Variants in XRCC4 observed in about 807,000 individuals in gnomAD.
The protein encoded by XRCC4 is X-ray repair cross complementing 4.
In XRCC4, 28 loss-of-function variants were observed where a neutral mutation model predicts 39.1. The ratio of observed to expected loss-of-function variants is 0.72; its 90% CI spans 0.53 to 0.98. The LOEUF is 0.98. Ranked by LOEUF, XRCC4 falls within the 50% of genes least tolerant of loss-of-function variation. The pLI, the probability that XRCC4 is intolerant of heterozygous loss-of-function variation, is 0.00. For synonymous variants in XRCC4, 123 were observed against 126.4 expected (o/e 0.97, Z 0.18); for missense variants, 350 against 376.4 (o/e 0.93, Z 0.58).
the XRCC4 span, among the ~76,000 whole-genome samples, chr5:83,361,399 A>T: frequency 6.6e-6 from 1 of 152,110 alleles, no homozygotes; most frequent in Non-Finnish European, 1.5e-5. Context: ...TCCTGCTTCT[A>T]CAGGATTCTG....
intron 6 of XRCC4, among the ~76,000 whole-genome samples, chr5:83,209,167 G>A (rs1751539150): frequency 6.6e-6 from 1 of 151,716 alleles, no homozygotes; most frequent in Non-Finnish European, 1.5e-5. Context: ...CTGTGAAACA[G>A]TCTTCCCTAT....
intron 7 of XRCC4, among the ~76,000 whole-genome samples, chr5:83,309,557 C>G (rs1183116550): frequency 1.2e-4 from 18 of 150,496 alleles, no homozygotes; most frequent in Admixed American, 1.1e-3. Flanking sequence ...GTCAGGAGAT[C>G]GAGACCATCC....
intron 7 of XRCC4, among the ~76,000 whole-genome samples, chr5:83,329,504 A>T (rs1275694229): frequency 1.3e-5 from 2 of 152,182 alleles, no homozygotes; most frequent in African/African-American, 4.8e-5. Context: ...TTTGAAACAT[A>T]TAAAAATATG....
intron 6 of XRCC4, among the ~76,000 whole-genome samples, chr5:83,214,005 C>CAA (rs1751751678): frequency 6.6e-6 from 1 of 152,162 alleles, no homozygotes; most frequent in African/African-American, 2.4e-5. Flanking sequence ...CAAAATCCAA[C>CAA]ACACATTAAT....
chr5:83,333,734 A>G (rs1756507489), intron 7 of XRCC4, among the ~76,000 whole-genome samples: 1 of 151,186 alleles, frequency 6.6e-6, no homozygotes, highest in African/African-American at 2.4e-5. Flanking sequence ...ATATGCAAAT[A>G]TTTTACTAAA....
chr5:83,310,120 T>C (rs966060021), intron 7 of XRCC4, among the ~76,000 whole-genome samples: 17 of 152,224 alleles, frequency 1.1e-4, no homozygotes, highest in African/African-American at 3.9e-4. Flanking sequence ...TCTTATATCT[T>C]ATGCGGTAAA....
intron 7 of XRCC4, among the ~76,000 whole-genome samples, chr5:83,340,334 C>G (rs1756717996): frequency 6.6e-6 from 1 of 152,118 alleles, no homozygotes. Context: ...TTCCTGGAAC[C>G]TGAGAATATG....
chr5:83,112,092 T>C (rs1746470399), intron 3 of XRCC4, among the ~76,000 whole-genome samples: 1 of 152,146 alleles, frequency 6.6e-6, no homozygotes, highest in South Asian at 2.1e-4. Context: ...TATATTATCG[T>C]GTAGGGAATA....
chr5:83,239,699 G>A (rs936821372), intron 6 of XRCC4, among the ~76,000 whole-genome samples: 11 of 151,904 alleles, frequency 7.2e-5, no homozygotes, highest in African/African-American at 2.7e-4. Flanking sequence ...CATGGTGGCG[G>A]GCACCTGTAG....
intron 3 of XRCC4, among the ~76,000 whole-genome samples, chr5:83,167,679 A>T (rs1405015974): frequency 6.6e-6 from 1 of 152,174 alleles, no homozygotes; most frequent in Non-Finnish European, 1.5e-5. Flanking sequence ...ATGGAGTCAG[A>T]ATTTACACTG....
At chr5:83,266,638 C>T (rs1282191692) in intron 7 of XRCC4, among the ~76,000 whole-genome samples, 1 of 151,932 alleles carries the variant, frequency 6.6e-6, no homozygotes, top group Non-Finnish European at 1.5e-5. Flanking sequence ...ATTTAAACAT[C>T]ATTATTCAAA....
chr5:83,188,282 C>G lies in XRCC4; in HGVS notation c.316-7488C>G, dbSNP rs187994536. Among the ~76,000 whole-genome samples, 3 of 152,136 alleles carry G rather than the reference C, an allele frequency of 2.0e-5. No individual in the cohort carries two copies. In the East Asian group the frequency reaches 5.8e-4, roughly 29 times the overall value. ...GTGGGGTACTGGCACAGTTGAGTTC[C>G]TTGTAGCCTTTTGGACTGAGGGCCT... On this transcript the variant is annotated intron_variant, in intron 3 of 7. Coordinates refer to ENST00000396027, the MANE Select transcript of XRCC4 (RefSeq NM_003401.5).
chr5:83,192,319 A>ATATATT (rs3069585), intron 3 of XRCC4, among the ~76,000 whole-genome samples: 8 of 143,502 alleles, frequency 5.6e-5, no homozygotes, highest in East Asian at 2.0e-4. Context: ...ATATATATAT[A>ATATATT]TTTTTTTGAG....
intron 7 of XRCC4, among the ~76,000 whole-genome samples, chr5:83,295,022 T>TATC (rs2112985635): frequency 6.6e-6 from 1 of 152,212 alleles, no homozygotes; most frequent in African/African-American, 2.4e-5. Context: ...TTAAGCATTA[T>TATC]ATCTTAGAAG....
At chr5:83,357,451 G>A (rs1433474467), downstream of XRCC4, among the ~76,000 whole-genome samples, 2 of 151,990 alleles carry the variant, frequency 1.3e-5, no homozygotes, top group Non-Finnish European at 2.9e-5. Context: ...ATGAGAAATC[G>A]GGGGGGTTGG....
chr5:83,114,579 C>T (rs926659508), intron 3 of XRCC4, among the ~76,000 whole-genome samples: 1 of 152,178 alleles, frequency 6.6e-6, no homozygotes, highest in Admixed American at 6.5e-5. Context: ...GCCTGGACTT[C>T]GTTGTCTGTA....
chr5:83,163,019 G>A (rs1158603630), intron 3 of XRCC4, among the ~76,000 whole-genome samples: 3 of 142,976 alleles, frequency 2.1e-5, no homozygotes, highest in South Asian at 2.2e-4. Flanking sequence ...GTGTGATCTC[G>A]GCTCACTGCA....
chr5:83,090,719 A>C (rs966199569), intron 1 of XRCC4, among the ~76,000 whole-genome samples: 1 of 152,054 alleles, frequency 6.6e-6, no homozygotes, highest in Non-Finnish European at 1.5e-5. Context: ...ATTATTATAA[A>C]CTCAGGTGTA....
intron 3 of XRCC4, among the ~76,000 whole-genome samples, chr5:83,162,760 A>G (rs145124287): frequency 4.1e-4 from 62 of 152,318 alleles, no homozygotes; most frequent in African/African-American, 1.2e-3. Context: ...AACAATGAAT[A>G]CGATGGGAAC....
Sources: allele counts gnomAD v4.1 joint callset (sites outside exome capture counted in the v4.1 genomes callset), GRCh38; gene constraint gnomAD v4.1.1; transcripts MANE v1.5; gene names NCBI Gene and HGNC (gene_info 2026-07-23, HGNC 2026-07-21).